The following ADGRL1 variants were observed in gnomAD, a reference collection of about 807,000 sequenced individuals.
ADGRL1 encodes the protein adhesion G protein-coupled receptor L1.
In ADGRL1, 31 loss-of-function variants were observed where a neutral mutation model predicts 148.9. That is an observed-to-expected ratio of 0.21 (90% CI 0.16 to 0.28). The LOEUF (loss-of-function observed/expected upper bound fraction) is 0.28, where lower values mean the gene tolerates loss of function less well. ADGRL1 is among the 10% of genes least tolerant of loss of function. The pLI is 1.00. For missense variants in ADGRL1, 1,521 were observed against 2,058.8 expected (o/e 0.74, Z 5.05); for synonymous variants, 937 against 900.3 (o/e 1.04, Z -0.73).
In ADGRL1 at chr19:14,155,180, C is replaced by A; in HGVS notation, c.3294+179G>T. 1.6e-6 allele frequency: 1 copy of A among 633,984 alleles called. No individual in the cohort carries two copies. The highest frequency in any genetic ancestry group is 2.9e-5 in the Admixed American group (1 of 34,122). The allele number at this position is 633,984 out of a possible 1,614,324, so 39.3% of individuals were successfully genotyped here. On this transcript the variant is annotated intron_variant, in intron 18 of 22. Transcript: ENST00000361434. This position sits in a 1 kb window ranked among gnomAD's most constrained non-coding sequence, Gnocchi z 5.0. ...CCTCTTCACCCGTGGTTAAACCCTC[C>A]CTAACCCTGAGCTCGTGCTCCCCTC...
At chr19:14,194,659 T>C (rs1179671446) in intron 1 of ADGRL1, among the ~76,000 whole-genome samples, 6 of 152,128 alleles carry the variant, frequency 3.9e-5, no homozygotes, top group Non-Finnish European at 7.4e-5. Context: ...CTCCCCAGGT[T>C]GGGCTTGGTG....
Position 14,152,645 on chromosome 19 carries a change from T to G in ADGRL1, c.3424-32A>C, listed in dbSNP as rs765442902. On this transcript the variant is annotated intron_variant, in intron 19 of 22. Coordinates refer to ENST00000361434, the MANE Select transcript of ADGRL1 (RefSeq NM_014921.5). The surrounding 1 kb of genome is among the most constrained non-coding windows in gnomAD (Gnocchi z 6.1). ...ACACAACCCAAATGTGAGGGGATCC[T>G]TGGGCCACCCACCCTCTGGCGTCTT... The G allele has an allele frequency of 2.5e-6, 4 of 1,607,840 alleles. No homozygotes were observed. The South Asian group carries it at 4.4e-5, about 18-fold the overall frequency.
intron 3 of ADGRL1, among the ~76,000 whole-genome samples, chr19:14,172,017 G>T (rs1379860868): frequency 2.6e-5 from 4 of 152,192 alleles, no homozygotes; most frequent in African/African-American, 9.7e-5. Flanking sequence ...ACTAAACACA[G>T]GCAGACACTT....
Position 14,160,100 on chromosome 19 carries a change from G to A in ADGRL1, c.1800+12C>T, listed in dbSNP as rs768306826. 41 of 1,569,062 alleles carry A rather than the reference G, an allele frequency of 2.6e-5. 1 individual carries two copies. Among genetic ancestry groups the A allele is most frequent in the South Asian group, 1.1e-4 (10 of 88,108 alleles). ...CTCCCCATACCAGGTCAGCGCCACC[G>A]CCAGGCCCCACCTTGTTGTAGTTCT... On this transcript the variant is annotated intron_variant, in intron 8 of 22. Transcript: ENST00000361434. The surrounding 1 kb of genome is among the most constrained non-coding windows in gnomAD (Gnocchi z 5.9).
At position 14,191,770 on chromosome 19, in the gene ADGRL1, A is replaced by G. The variant is rs1399808462; in HGVS notation, c.-95-8073T>C. 2.0e-5 allele frequency among the ~76,000 whole-genome samples: 3 copies of G among 149,556 alleles called. No individual in the cohort carries two copies. The Admixed American group carries it at 2.0e-4, about 10-fold the overall frequency. The stretch of plus-strand genomic sequence containing the variant: ...GAGTGCAGTGGCACAATCCCGGCTC[A>G]TTGCAGTCTCAACCTCCCAGGCTCA... On this transcript the variant is annotated intron_variant, in intron 1 of 22. Transcript: ENST00000361434.
In ADGRL1 at chr19:14,206,051, C is replaced by T. The variant is rs1365153940; in HGVS notation, c.-162G>A. 4 of 152,024 alleles carry T rather than the reference C, an allele frequency of 2.6e-5. No homozygotes were observed. The highest frequency in any genetic ancestry group is 5.9e-5 in the Non-Finnish European group (4 of 68,022). The allele number at this position is 152,024 out of a possible 1,614,324, so 9.4% of individuals were successfully genotyped here. ...TGCGGCTCGGCGAACCCGGGCCCCCCGCCCGGCACATCTCCCGGAGCCGGG... is the reference window on the plus strand; with the variant it reads ...TGCGGCTCGGCGAACCCGGGCCCCCTGCCCGGCACATCTCCCGGAGCCGGG... On this transcript the variant is annotated 5_prime_UTR_variant, in exon 1 of 23. Transcript: ENST00000361434.
In ADGRL1 at chr19:14,183,212, A is replaced by AGAGAGAGAGAGC. The variant is rs71172403; in HGVS notation, c.70+320_70+321insGCTCTCTCTCTC. ...TAATCACAGAGAGAGAGAGAGAGAGAGAGAGCGAGAGAGAGACAGAGAGAG... is the reference window on the plus strand; with the variant it reads ...TAATCACAGAGAGAGAGAGAGAGAGAGAGAGAGAGAGCGAGAGCGAGAGAGAGACAGAGAGAG... On this transcript the variant is annotated intron_variant, in intron 2 of 22. Transcript: ENST00000361434. Among the ~76,000 whole-genome samples the AGAGAGAGAGAGC allele has an allele frequency of 2.2e-3, 332 of 151,148 alleles. 3 individuals carry two copies. Among genetic ancestry groups the AGAGAGAGAGAGC allele is most frequent in the South Asian group, 4.4e-3 (21 of 4,724 alleles).
chr19:14,163,382 T>C lies in ADGRL1; in HGVS notation c.419A>G (p.Gln140Arg). 6.3e-7 allele frequency: 1 copy of C among 1,576,392 alleles called. No individual in the cohort carries two copies. Residue 140 changes from glutamine to arginine, a missense_variant, in exon 5 of 23, where the codon CAG becomes CGG. Physicochemically the swap from Gln to Arg is conservative, Grantham distance 43. This residue lies in a region of ADGRL1 where 334 missense variants were observed against 512.5 expected (regional missense o/e 0.65). Coordinates refer to ENST00000361434, the MANE Select transcript of ADGRL1 (RefSeq NM_014921.5). The stretch of plus-strand genomic sequence containing the variant: ...TGTCGAGGTGGGCTCCAGCACCTTC[T>C]GCAGGGTCCCTGGGCACACGAAGAC... The part of the protein sequence containing the change: ...PYIFVCPGTL[Q>R]KVLEPTSTHE...
chr19:14,163,606 C>G (rs1017559446), intron 4 of ADGRL1, among the ~76,000 whole-genome samples, 200 bp from the exon 5 acceptor site: 1 of 152,140 alleles, frequency 6.6e-6, no homozygotes, highest in South Asian at 2.1e-4. Flanking sequence ...AGGGGGTTTC[C>G]GGGCTGGGAC....
rs1270087057 is a variant in ADGRL1, at chr19:14,149,878, C to T, written c.*995G>A. 1 of 151,792 alleles carries T rather than the reference C, an allele frequency of 6.6e-6. No homozygotes were observed. Among genetic ancestry groups the T allele is most frequent in the East Asian group, 1.9e-4 (1 of 5,158 alleles). 9.4% of individuals were successfully genotyped at this position (151,792 alleles called of 1,614,324 possible). ...GGAGAAAGCCCGGGCTGGCCCGGGC[C>T]GCAGGCTCCCGGTGGCTTCAAGTGA... is the stretch of plus-strand genomic sequence containing the variant. On this transcript the variant is annotated 3_prime_UTR_variant, in exon 23 of 23. Coordinates refer to ENST00000361434, the MANE Select transcript of ADGRL1 (RefSeq NM_014921.5).
intron 4 of ADGRL1, chr19:14,170,110 G>C (rs1321584930): frequency 6.6e-6 from 1 of 152,576 alleles, no homozygotes; most frequent in East Asian, 1.9e-4. Context: ...AGGCCTCAGA[G>C]GATGGTATCC....
intron 4 of ADGRL1, among the ~76,000 whole-genome samples, chr19:14,166,148 G>A (rs942211097): frequency 6.6e-6 from 1 of 152,008 alleles, no homozygotes; most frequent in African/African-American, 2.4e-5. Flanking sequence ...CAGCCCAGAA[G>A]AAACCCTGAC....
chr19:14,166,929 G>T, intron 4 of ADGRL1: 1 of 1,370,334 alleles, frequency 7.3e-7, no homozygotes. Flanking sequence ...GAGAGAAGAA[G>T]GGGCCGGGGG....
chr19:14,191,894 C>T (rs945098585), intron 1 of ADGRL1, among the ~76,000 whole-genome samples: 7 of 152,088 alleles, frequency 4.6e-5, no homozygotes, highest in Non-Finnish European at 7.4e-5. Flanking sequence ...GATGGGGTCT[C>T]GCTATGTCGC....
At chr19:14,196,780 C>T (rs1250878173) in intron 1 of ADGRL1, among the ~76,000 whole-genome samples, 1 of 152,138 alleles carries the variant, frequency 6.6e-6, no homozygotes, top group African/African-American at 2.4e-5. Flanking sequence ...TCAGCAAGGT[C>T]CTGCTGGCCC....
At chr19:14,182,000 G>C (rs1451841568) in intron 2 of ADGRL1, among the ~76,000 whole-genome samples, 2 of 152,162 alleles carry the variant, frequency 1.3e-5, no homozygotes, top group Non-Finnish European at 2.9e-5. Flanking sequence ...GCCCCATGTT[G>C]GTCATCACCT....
In ADGRL1 at chr19:14,161,639, T is replaced by TA; in HGVS notation, c.1196-14dup. The TA allele has an allele frequency of 7.2e-7, 1 of 1,385,434 alleles. No individual in the cohort carries two copies. Among genetic ancestry groups the TA allele is most frequent in the Non-Finnish European group, 9.3e-7 (1 of 1,070,506 alleles). The allele number at this position is 1,385,434 out of a possible 1,614,324, so 85.8% of individuals were successfully genotyped here. ...GAAGTGGCTGGGCCTGGAGAGGGGA[T>TA]ACGAGACAGGGTCATCCCCATGCTC... is the stretch of plus-strand genomic sequence containing the variant. On this transcript the variant is annotated splice_polypyrimidine_tract_variant and intron_variant, in intron 5 of 22. Transcript: ENST00000361434. The surrounding 1 kb of genome is among the most constrained non-coding windows in gnomAD (Gnocchi z 4.4).
intron 1 of ADGRL1, among the ~76,000 whole-genome samples, chr19:14,189,337 C>T (rs1320523137): frequency 6.6e-6 from 1 of 151,822 alleles, no homozygotes; most frequent in Non-Finnish European, 1.5e-5. Flanking sequence ...TCTCCCATCT[C>T]AGCCTCCTGA....
At chr19:14,199,732 T>G (rs950937087) in intron 1 of ADGRL1, among the ~76,000 whole-genome samples, 1 of 137,140 alleles carries the variant, frequency 7.3e-6, no homozygotes, top group African/African-American at 2.8e-5. Flanking sequence ...GCAATTTTAT[T>G]TTATTTTATT....
Sources: allele counts gnomAD v4.1 joint callset (sites outside exome capture counted in the v4.1 genomes callset), GRCh38; gene constraint gnomAD v4.1.1; regional missense constraint gnomAD v4.1.1; non-coding constraint Gnocchi (gnomAD v3.1); transcripts MANE v1.5; gene names NCBI Gene and HGNC (gene_info 2026-07-23, HGNC 2026-07-21).